The following KIAA0825 variants were observed in gnomAD, a reference collection of about 807,000 sequenced individuals.
KIAA0825 encodes the protein uncharacterized protein KIAA0825.
In KIAA0825, 119 loss-of-function variants were observed where a neutral mutation model predicts 147.6. The observed-to-expected ratio is 0.81, with a 90% CI of 0.69 to 0.94. The LOEUF (loss-of-function observed/expected upper bound fraction) is 0.94, where lower values mean the gene tolerates loss of function less well. Among genes scored for constraint, KIAA0825 ranks in the 40% least tolerant of loss-of-function variants. KIAA0825 has a pLI of 0.00. For synonymous variants in KIAA0825, 470 were observed against 518.1 expected (o/e 0.91, Z 1.26); for missense variants, 1,381 against 1,472.7 (o/e 0.94, Z 1.02).
intron 1 of KIAA0825, among the ~76,000 whole-genome samples, chr5:94,597,142 C>A (rs1460366341): frequency 6.6e-6 from 1 of 152,094 alleles, no homozygotes; most frequent in Non-Finnish European, 1.5e-5. Context: ...GAGATGGCAT[C>A]CTTTTCTTGT....
chr5:94,259,150 C>T (rs566471676), intron 20 of KIAA0825, among the ~76,000 whole-genome samples: 7 of 151,932 alleles, frequency 4.6e-5, no homozygotes, highest in East Asian at 1.9e-4. Context: ...AAGAGAATTC[C>T]TGCAGTTACA....
At chr5:94,179,238 T>C (rs1043821768) in intron 20 of KIAA0825, among the ~76,000 whole-genome samples, 2 of 151,988 alleles carry the variant, frequency 1.3e-5, no homozygotes, top group East Asian at 3.9e-4. Context: ...TCAAAACACA[T>C]AGAACTGTAC....
In KIAA0825 at chr5:94,154,040, G is replaced by T; in HGVS notation, c.3795C>A (p.Asn1265Lys). The change falls in exon 21 of 21, where the codon AAC (asparagine) becomes AAA (lysine). Residue 1265 changes from asparagine to lysine, a missense_variant. By Grantham distance (94) the Asn-to-Lys change is moderately conservative. Coordinates refer to ENST00000682413, the MANE Select transcript of KIAA0825 (RefSeq NM_001145678.3). ...CCTCTATGTTATCTGAGGCAGAAGA[G>T]TTCTGTGGGGTGCAAATTTGTTTTA... ...EHLKQICTPQ[N>K]SSASDNIEEQ 1 of 1,551,638 alleles carries T rather than the reference G, an allele frequency of 6.4e-7. No homozygotes were observed. The highest frequency in any genetic ancestry group is 2.4e-5 in the East Asian group (1 of 40,910).
intron 14 of KIAA0825, among the ~76,000 whole-genome samples, chr5:94,433,094 C>T (rs150255838): frequency 2.6e-5 from 4 of 152,230 alleles, no homozygotes; most frequent in Admixed American, 6.5e-5. Flanking sequence ...AGTGCAGTGG[C>T]GCAATCTCGG....
chr5:94,366,171 A>C lies in KIAA0825; in HGVS notation c.3710+18197T>G, dbSNP rs973587452. Among the ~76,000 whole-genome samples the C allele has an allele frequency of 7.9e-5, 12 of 152,326 alleles. No individual in the cohort carries two copies. In the South Asian group the frequency reaches 8.3e-4, roughly 11 times the overall value. On this transcript the variant is annotated intron_variant, in intron 20 of 20. Transcript: ENST00000682413. ...GGGGAGACTGATTTGAGTAATAATA[A>C]AACTCCAGTCTCCCACACAGCCGGC...
Position 94,552,863 on chromosome 5 carries a change from A to G in KIAA0825, c.-1-15736T>C, listed in dbSNP as rs375595293. Among the ~76,000 whole-genome samples, 62 of 152,352 alleles carry G rather than the reference A, an allele frequency of 4.1e-4. No homozygotes were observed. The East Asian group carries it at 9.4e-3, about 23-fold the overall frequency. ...GTAGAACAGAGGTTAGTAGAAGCTG[A>G]GAAAGGTAAGGGGTAAAGAAAGGAA... On this transcript the variant is annotated intron_variant, in intron 2 of 20. Coordinates refer to ENST00000682413, the MANE Select transcript of KIAA0825 (RefSeq NM_001145678.3).
intron 5 of KIAA0825, among the ~76,000 whole-genome samples, chr5:94,496,522 G>A (rs1253788892): frequency 6.6e-6 from 1 of 152,190 alleles, no homozygotes; most frequent in Non-Finnish European, 1.5e-5. Flanking sequence ...AGCAGGGGGT[G>A]GGATGACGGA....
chr5:94,288,375 T>A (rs1004402324), intron 20 of KIAA0825, among the ~76,000 whole-genome samples: 15 of 152,028 alleles, frequency 9.9e-5, no homozygotes, highest in East Asian at 1.9e-4. Context: ...GGAAAAAAAA[T>A]TATAAAAATA....
intron 14 of KIAA0825, among the ~76,000 whole-genome samples, chr5:94,432,418 C>T (rs1315298086): frequency 1.3e-5 from 2 of 152,140 alleles, no homozygotes; most frequent in African/African-American, 2.4e-5. Context: ...ACCACCCCCA[C>T]CTCACCCTCA....
chr5:94,411,772 C>T (rs115610034), intron 15 of KIAA0825, among the ~76,000 whole-genome samples: 6,775 of 152,032 alleles, frequency 0.045, 192 homozygotes, highest in East Asian at 0.11. Flanking sequence ...CATAGTGAGA[C>T]CCCACTTCTA....
At chr5:94,547,622 A>G (rs1285770131) in intron 2 of KIAA0825, among the ~76,000 whole-genome samples, 1 of 151,718 alleles carries the variant, frequency 6.6e-6, no homozygotes, top group Non-Finnish European at 1.5e-5. Flanking sequence ...CTGTAACCCC[A>G]GCTACTCAGG....
intron 14 of KIAA0825, among the ~76,000 whole-genome samples, chr5:94,423,349 T>C (rs549491513): frequency 5.7e-4 from 87 of 152,298 alleles, no homozygotes; most frequent in Non-Finnish European, 1.0e-3. Flanking sequence ...TTATAGATTA[T>C]ACAAACAAAT....
intron 14 of KIAA0825, among the ~76,000 whole-genome samples, chr5:94,432,467 G>A (rs924943932): frequency 1.3e-5 from 2 of 152,066 alleles, no homozygotes; most frequent in Non-Finnish European, 2.9e-5. Context: ...CTCTTTCTGG[G>A]ACTAATAATT....
intron 20 of KIAA0825, among the ~76,000 whole-genome samples, chr5:94,269,887 A>G (rs905447498): frequency 1.3e-5 from 2 of 152,108 alleles, no homozygotes; most frequent in African/African-American, 4.8e-5. Context: ...GTTAAACAAA[A>G]TACACAAACC....
intron 1 of KIAA0825, among the ~76,000 whole-genome samples, chr5:94,614,891 A>C (rs975024101): frequency 2.6e-5 from 4 of 152,128 alleles, no homozygotes; most frequent in African/African-American, 9.7e-5. Flanking sequence ...TATCCTTGCA[A>C]GACTGAGCAA....
At chr5:94,471,953 T>C (rs1761257323) in intron 8 of KIAA0825, among the ~76,000 whole-genome samples, 1 of 152,186 alleles carries the variant, frequency 6.6e-6, no homozygotes, top group African/African-American at 2.4e-5. Context: ...TTTCAAACCT[T>C]ATGCTTACCA....
chr5:94,569,625 C>A (rs1779499384), intron 2 of KIAA0825: 1 of 367,690 alleles, frequency 2.7e-6, no homozygotes, highest in South Asian at 1.4e-4. Flanking sequence ...AACATCTCCA[C>A]ATGATGAAAC....
intron 13 of KIAA0825, among the ~76,000 whole-genome samples, chr5:94,448,303 A>G (rs992667453): frequency 3.3e-5 from 5 of 151,816 alleles, no homozygotes; most frequent in African/African-American, 1.2e-4. Context: ...TCTAAACTCT[A>G]TTCCCAGGGT....
chr5:94,226,772 T>G (rs2150075602), intron 20 of KIAA0825, among the ~76,000 whole-genome samples: 1 of 152,020 alleles, frequency 6.6e-6, no homozygotes, highest in East Asian at 1.9e-4. Flanking sequence ...AAGACATTTA[T>G]GCAGCCAAAA....
Sources: allele counts gnomAD v4.1 joint callset (sites outside exome capture counted in the v4.1 genomes callset), GRCh38; gene constraint gnomAD v4.1.1; transcripts MANE v1.5; gene names NCBI Gene and HGNC (gene_info 2026-07-23, HGNC 2026-07-21).